The following TTC29 variants were observed in gnomAD, a reference collection of about 807,000 sequenced individuals.
TTC29 encodes the protein tetratricopeptide repeat domain 29, also known as tetratricopeptide repeat protein 29.
A neutral mutation model predicts 58.1 loss-of-function variants in TTC29; 49 were observed. That is an observed-to-expected ratio of 0.84 (90% CI 0.67 to 1.07). The LOEUF is 1.07. Ranked by LOEUF, TTC29 falls within the 50% of genes least tolerant of loss-of-function variation. TTC29 has a pLI of 0.00. For missense variants in TTC29, 582 were observed against 555.6 expected, an observed-to-expected ratio of 1.05 and a Z score of -0.48; for synonymous variants, 209 against 196.8, an observed-to-expected ratio of 1.06 and a Z score of -0.52.
intron 11 of TTC29, among the ~76,000 whole-genome samples, chr4:146,782,779 A>G (rs1748717458): frequency 6.6e-6 from 1 of 152,044 alleles, no homozygotes; most frequent in South Asian, 2.1e-4. Context: ...TTCTGTAATT[A>G]TTACTTTACT....
intron 4 of TTC29, among the ~76,000 whole-genome samples, chr4:146,925,870 C>T (rs1222511504): frequency 6.6e-6 from 1 of 152,116 alleles, no homozygotes; most frequent in Non-Finnish European, 1.5e-5. Context: ...AAATATATGT[C>T]ATCCATTTTC....
At chr4:146,899,475 T>G (rs1732995142) in intron 6 of TTC29, among the ~76,000 whole-genome samples, 1 of 152,164 alleles carries the variant, frequency 6.6e-6, no homozygotes, top group African/African-American at 2.4e-5. Flanking sequence ...TTCCAAGTGT[T>G]TTTCAGTTGA....
At chr4:146,836,305 A>G (rs1321054578) in intron 8 of TTC29, among the ~76,000 whole-genome samples, 1 of 152,064 alleles carries the variant, frequency 6.6e-6, no homozygotes, top group African/African-American at 2.4e-5. Context: ...TAAACAATTT[A>G]CAGAAAAACA....
chr4:146,910,193 A>G lies in TTC29; in HGVS notation c.177-944T>C, dbSNP rs1579964764. Among the ~76,000 whole-genome samples the G allele has an allele frequency of 2.0e-5, 3 of 152,092 alleles. No homozygotes were observed. The East Asian group carries it at 5.8e-4, about 29-fold the overall frequency. On this transcript the variant is annotated intron_variant, in intron 4 of 12. Coordinates refer to ENST00000325106, the MANE Select transcript of TTC29 (RefSeq NM_031956.4). The stretch of plus-strand genomic sequence containing the variant: ...TGGAGTGGAAACAGCCCAGACCACC[A>G]AGATTGAGTCCAGTTTTGCCTCACC...
intron 11 of TTC29, among the ~76,000 whole-genome samples, chr4:146,742,429 G>T (rs1472419203): frequency 6.6e-6 from 1 of 152,154 alleles, no homozygotes; most frequent in Non-Finnish European, 1.5e-5. Context: ...AAGACTCCCT[G>T]CATCTTCTAG....
chr4:146,785,465 G>A (rs1271316955), intron 11 of TTC29, among the ~76,000 whole-genome samples: 1 of 152,112 alleles, frequency 6.6e-6, no homozygotes, highest in Non-Finnish European at 1.5e-5. Flanking sequence ...ACTAGTCAAT[G>A]GAGAATCAAA....
intron 11 of TTC29, among the ~76,000 whole-genome samples, chr4:146,708,397 C>CAT (rs1371289740): frequency 1.1e-3 from 131 of 114,822 alleles, no homozygotes; most frequent in Non-Finnish European, 1.8e-3. Flanking sequence ...CATATATAAA[C>CAT]ATATATATAT....
chr4:146,839,976 G>T (rs560391257), intron 8 of TTC29, among the ~76,000 whole-genome samples: 9 of 152,034 alleles, frequency 5.9e-5, no homozygotes, highest in Non-Finnish European at 1.2e-4. Context: ...AAAAGAAAAT[G>T]TTTGTCAGCC....
At chr4:146,839,508 T>TCAG (rs1401001949) in intron 8 of TTC29, among the ~76,000 whole-genome samples, 81 of 151,240 alleles carry the variant, frequency 5.4e-4, no homozygotes, top group African/African-American at 1.9e-3. Context: ...CTGGCCTTAT[T>TCAG]CAGATTTCAC....
rs564987754 is a variant in TTC29, at chr4:146,766,069, G to A, written c.1330+37388C>T. Reference sequence around the variant, plus strand: ...TCTTGAGTCAAAGTATTATTTACTCGGATTCACAGTGTCTTAGTTCAACTG... The same window carrying A: ...TCTTGAGTCAAAGTATTATTTACTCAGATTCACAGTGTCTTAGTTCAACTG... On this transcript the variant is annotated intron_variant, in intron 11 of 12. Coordinates refer to ENST00000325106, the MANE Select transcript of TTC29 (RefSeq NM_031956.4). 2.1e-4 allele frequency among the ~76,000 whole-genome samples: 32 copies of A among 152,006 alleles called. No homozygotes were observed. The South Asian group carries it at 3.3e-3, about 16-fold the overall frequency.
At chr4:146,793,000 G>C (rs556765848) in intron 11 of TTC29, among the ~76,000 whole-genome samples, 2 of 152,240 alleles carry the variant, frequency 1.3e-5, no homozygotes, top group East Asian at 3.9e-4. Context: ...TGAGTGAATT[G>C]GTGCAATCCC....
At chr4:146,755,661 G>C (rs1746385092) in intron 11 of TTC29, among the ~76,000 whole-genome samples, 2 of 151,992 alleles carry the variant, frequency 1.3e-5, no homozygotes, top group Admixed American at 1.3e-4. Flanking sequence ...TGACAGATTT[G>C]TTAATTGGCT....
intron 11 of TTC29, among the ~76,000 whole-genome samples, chr4:146,801,977 TCAAAAAAAAAAAAA>T (rs1750258788): frequency 9.4e-5 from 1 of 10,618 alleles, no homozygotes; most frequent in African/African-American, 2.9e-4. Flanking sequence ...AGACTCTGTC[TCAAAAAAAAAAAAA>T]AAAAAAAAAA....
At chr4:146,876,893 G>A (rs576987046) in intron 6 of TTC29, among the ~76,000 whole-genome samples, 4 of 137,340 alleles carry the variant, frequency 2.9e-5, no homozygotes, top group African/African-American at 5.4e-5. Flanking sequence ...CCGAGATCAT[G>A]CCACTGCACT....
intron 11 of TTC29, among the ~76,000 whole-genome samples, chr4:146,783,507 C>T (rs535207563): frequency 6.6e-6 from 1 of 152,120 alleles, no homozygotes; most frequent in Non-Finnish European, 1.5e-5. Context: ...TTTGATTCAT[C>T]ATAGGGAAAT....
chr4:146,714,343 G>T (rs974178655), intron 11 of TTC29, among the ~76,000 whole-genome samples: 1 of 151,998 alleles, frequency 6.6e-6, no homozygotes, highest in African/African-American at 2.4e-5. Flanking sequence ...TAAACTTGAA[G>T]ACAGAGTAGT....
intron 5 of TTC29, among the ~76,000 whole-genome samples, chr4:146,904,214 A>C (rs550531834): frequency 3.2e-4 from 49 of 152,300 alleles, no homozygotes; most frequent in African/African-American, 1.1e-3. Flanking sequence ...ATATCATAAA[A>C]ATGTCACGGG....
intron 10 of TTC29, among the ~76,000 whole-genome samples, chr4:146,811,234 T>A (rs372265220): frequency 9.2e-5 from 14 of 152,296 alleles, no homozygotes; most frequent in African/African-American, 2.9e-4. Flanking sequence ...TGGGGGCCAA[T>A]GCTAAATACT....
intron 6 of TTC29, among the ~76,000 whole-genome samples, chr4:146,890,075 C>A (rs528056696): frequency 2.0e-4 from 30 of 152,014 alleles, no homozygotes; most frequent in South Asian, 8.3e-4. Context: ...AACATTGACA[C>A]CACATTGAAT....
Sources: allele counts gnomAD v4.1 joint callset (sites outside exome capture counted in the v4.1 genomes callset), GRCh38; gene constraint gnomAD v4.1.1; transcripts MANE v1.5; gene names NCBI Gene and HGNC (gene_info 2026-07-23, HGNC 2026-07-21).